The following DSCAM variants were observed in gnomAD, a reference collection of about 807,000 sequenced individuals.
DSCAM encodes the protein cell adhesion molecule DSCAM.
In DSCAM, 47 loss-of-function variants were observed where a neutral mutation model predicts 217.7. The ratio of observed to expected loss-of-function variants is 0.22; its 90% CI spans 0.17 to 0.28. DSCAM has a LOEUF of 0.28. Among genes scored for constraint, DSCAM ranks in the 10% least tolerant of loss-of-function variants. The pLI is 1.00. For synonymous variants in DSCAM, 1,056 were observed against 1,015.3 expected (o/e 1.04, Z -0.76); for missense variants, 2,080 against 2,618.3 (o/e 0.79, Z 4.49).
chr21:40,647,063 G>A (rs1484665415), intron 3 of DSCAM, among the ~76,000 whole-genome samples: 3 of 152,202 alleles, frequency 2.0e-5, no homozygotes, highest in Admixed American at 6.5e-5. Context: ...AAATATGCAT[G>A]GGGCTATGCA....
At chr21:40,042,695 C>T (rs772738478) in intron 31 of DSCAM, 22 bp from the exon 32 acceptor site, 11 of 1,573,958 alleles carry the variant, frequency 7.0e-6, no homozygotes, top group Non-Finnish European at 9.5e-6. Flanking sequence ...AAGAGAAAAA[C>T]AAGACGGACG....
At position 40,338,114 on chromosome 21, in the gene DSCAM, G is replaced by A. The variant is rs775064907; in HGVS notation, c.1770C>T (p.His590=). ...AACAGGGCTTACCTTTCACGGTCACGTGGACGCTCTGGCTGGTGGAGAGTT... is the reference window on the plus strand; with the variant it reads ...AACAGGGCTTACCTTTCACGGTCACATGGACGCTCTGGCTGGTGGAGAGTT... ...QPQLSTSQSV[H]VTVKVPPFIQ... Residue 590 remains histidine (H), a synonymous_variant, in exon 8 of 33, where the codon CAC becomes CAT. Coordinates refer to ENST00000400454, the MANE Select transcript of DSCAM (RefSeq NM_001389.5). 3.7e-6 allele frequency: 6 copies of A among 1,613,936 alleles called. No homozygotes were observed. The highest frequency in any genetic ancestry group is 5.1e-6 in the Non-Finnish European group (6 of 1,180,040).
Position 40,224,628 on chromosome 21 carries a change from T to C in DSCAM, c.2357-35390A>G, listed in dbSNP as rs139792125. 6.2e-3 allele frequency among the ~76,000 whole-genome samples: 948 copies of C among 152,312 alleles called. 5 individuals are homozygous for C. Among genetic ancestry groups the C allele is most frequent in the Non-Finnish European group, 1.0e-2 (680 of 68,024 alleles). On this transcript the variant is annotated intron_variant, in intron 11 of 32. Coordinates refer to ENST00000400454, the MANE Select transcript of DSCAM (RefSeq NM_001389.5). ...AGAATTCAATTCCATAAACTAATAT[T>C]GATGCACAAATGAGCAAAAATCAAC...
intron 3 of DSCAM, among the ~76,000 whole-genome samples, chr21:40,569,231 C>T (rs768523050): frequency 6.6e-6 from 1 of 152,172 alleles, no homozygotes; most frequent in Non-Finnish European, 1.5e-5. Flanking sequence ...ACATACTGTG[C>T]CACACTGTGG....
At chr21:40,727,994 C>T (rs1208970638) in intron 1 of DSCAM, among the ~76,000 whole-genome samples, 1 of 152,296 alleles carries the variant, frequency 6.6e-6, no homozygotes, top group African/African-American at 2.4e-5. Context: ...CCCAGAAACT[C>T]CCTGGCTCAC....
At chr21:40,559,240 C>T (rs913119887) in intron 3 of DSCAM, among the ~76,000 whole-genome samples, 1 of 152,028 alleles carries the variant, frequency 6.6e-6, no homozygotes, top group South Asian at 2.1e-4. Flanking sequence ...GGGAGGATCA[C>T]GAGGGCAGGA....
chr21:40,629,095 G>A (rs1320763546), intron 3 of DSCAM, among the ~76,000 whole-genome samples: 2 of 119,254 alleles, frequency 1.7e-5, no homozygotes, highest in East Asian at 4.0e-4. Flanking sequence ...GTGTGTGTGT[G>A]TGTGTGTGTG....
chr21:40,260,337 G>A (rs777102158), intron 11 of DSCAM, among the ~76,000 whole-genome samples: 1 of 152,208 alleles, frequency 6.6e-6, no homozygotes, highest in Non-Finnish European at 1.5e-5. Context: ...TGGGAAAACA[G>A]TATATTCAAA....
chr21:40,016,015 C>T lies in DSCAM; in HGVS notation c.5687-2629G>A, dbSNP rs779396673. On this transcript the variant is annotated intron_variant, in intron 32 of 32. Coordinates refer to ENST00000400454, the MANE Select transcript of DSCAM (RefSeq NM_001389.5). This position sits in a 1 kb window ranked among gnomAD's most constrained non-coding sequence, Gnocchi z 4.3. ...GAACCCAGGGAGCTGTTTCTGGCCA[C>T]CTTGAGGTCTGAAGGACTCACCATC... 6.6e-5 allele frequency among the ~76,000 whole-genome samples: 10 copies of T among 152,218 alleles called. No homozygotes were observed. The highest frequency in any genetic ancestry group is 2.4e-5 in the African/African-American group (1 of 41,448).
intron 28 of DSCAM, among the ~76,000 whole-genome samples, chr21:40,059,612 A>C (rs2089082555): frequency 6.6e-6 from 1 of 152,268 alleles, no homozygotes. Context: ...TTCTTGGTAG[A>C]AAATGGTTGA....
intron 11 of DSCAM, among the ~76,000 whole-genome samples, chr21:40,264,420 G>A (rs895097107): frequency 2.0e-5 from 3 of 152,152 alleles, no homozygotes; most frequent in African/African-American, 7.2e-5. Context: ...GTCAAAAAAT[G>A]TGATTCATCA....
intron 3 of DSCAM, among the ~76,000 whole-genome samples, chr21:40,650,626 A>C (rs2090001088): frequency 1.0e-5 from 1 of 96,650 alleles, no homozygotes; most frequent in South Asian, 3.5e-4. Context: ...TTAATAAAGA[A>C]GTGGGGAGGC....
At chr21:40,250,349 A>C (rs557896134) in intron 11 of DSCAM, among the ~76,000 whole-genome samples, 23 of 152,328 alleles carry the variant, frequency 1.5e-4, no homozygotes, top group African/African-American at 5.5e-4. Flanking sequence ...GATGAAGGCT[A>C]CTTCCTTTAA....
chr21:40,674,043 G>T (rs1171540250), intron 3 of DSCAM, among the ~76,000 whole-genome samples: 1 of 152,140 alleles, frequency 6.6e-6, no homozygotes, highest in African/African-American at 2.4e-5. Flanking sequence ...TTTGACATTC[G>T]TGCTGCATGG....
chr21:40,355,764 T>C (rs2074685205), intron 4 of DSCAM, among the ~76,000 whole-genome samples: 1 of 152,242 alleles, frequency 6.6e-6, no homozygotes, highest in Non-Finnish European at 1.5e-5. Flanking sequence ...GGCCAAGGAA[T>C]GGATATTCAC....
At chr21:40,112,792 A>G (rs535548122) in intron 20 of DSCAM, among the ~76,000 whole-genome samples, 19 of 152,228 alleles carry the variant, frequency 1.2e-4, no homozygotes, top group Admixed American at 1.1e-3. Flanking sequence ...ACACACCTCT[A>G]TGCAAATAAA....
intron 3 of DSCAM, among the ~76,000 whole-genome samples, chr21:40,446,197 G>A (rs183172932): frequency 9.8e-4 from 149 of 152,252 alleles, no homozygotes; most frequent in Admixed American, 2.2e-3. Flanking sequence ...AGTTATTTAG[G>A]TCTAATACCA....
intron 3 of DSCAM, among the ~76,000 whole-genome samples, chr21:40,537,853 G>C (rs571815271): frequency 2.6e-5 from 4 of 152,236 alleles, no homozygotes; most frequent in Admixed American, 2.6e-4. Flanking sequence ...TCTGTCACTG[G>C]CTGTACTTCC....
chr21:40,430,694 G>C (rs2075522347), intron 3 of DSCAM, among the ~76,000 whole-genome samples: 1 of 152,172 alleles, frequency 6.6e-6, no homozygotes, highest in African/African-American at 2.4e-5. Flanking sequence ...GTGAAGAGTG[G>C]TTTTCAGGGC....
Sources: allele counts gnomAD v4.1 joint callset (sites outside exome capture counted in the v4.1 genomes callset), GRCh38; gene constraint gnomAD v4.1.1; non-coding constraint Gnocchi (gnomAD v3.1); transcripts MANE v1.5; gene names NCBI Gene and HGNC (gene_info 2026-07-23, HGNC 2026-07-21).